Variants in GALNT13 observed in about 807,000 individuals in gnomAD.
GALNT13 encodes the protein polypeptide N-acetylgalactosaminyltransferase 13, also known as UDP-GalNAc:polypeptide N-acetylgalactosaminyltransferase 13.
GALNT13 carries 28 observed loss-of-function variants against 64.2 expected under a neutral mutation model. The observed-to-expected ratio is 0.44, with a 90% CI of 0.32 to 0.60. GALNT13 has a LOEUF of 0.60. Ranked by LOEUF, GALNT13 falls within the 20% of genes least tolerant of loss-of-function variation. The pLI, the probability that GALNT13 is intolerant of heterozygous loss-of-function variation, is 0.05. For synonymous variants in GALNT13, 214 were observed against 224.6 expected (o/e 0.95, Z 0.42); for missense variants, 577 against 669.8 (o/e 0.86, Z 1.53).
intron 2 of GALNT13, among the ~76,000 whole-genome samples, chr2:153,914,037 A>C (rs1689163163): frequency 6.6e-6 from 1 of 152,196 alleles, no homozygotes. Context: ...TGTGTTTTTC[A>C]GTGCATTATT....
the GALNT13 span, among the ~76,000 whole-genome samples, chr2:153,219,486 C>A: frequency 6.6e-6 from 1 of 152,206 alleles, no homozygotes; most frequent in Non-Finnish European, 1.5e-5. Context: ...AGAAGAGCAG[C>A]TGTCTCAAGG....
At chr2:154,218,447 T>A (rs1688159073) in intron 4 of GALNT13, among the ~76,000 whole-genome samples, 1 of 152,116 alleles carries the variant, frequency 6.6e-6, no homozygotes, top group Non-Finnish European at 1.5e-5. Context: ...CTCCTCCAGA[T>A]GTTGTACTAT....
intron 3 of GALNT13, among the ~76,000 whole-genome samples, chr2:154,138,123 A>G (rs1683052649): frequency 6.6e-6 from 1 of 152,084 alleles, no homozygotes; most frequent in South Asian, 2.1e-4. Context: ...TTACAAACCC[A>G]CAATTTACTG....
the GALNT13 span, among the ~76,000 whole-genome samples, chr2:153,772,731 A>T: frequency 6.6e-6 from 1 of 152,150 alleles, no homozygotes; most frequent in Non-Finnish European, 1.5e-5. Flanking sequence ...AAGTCCTTGC[A>T]GTAATGTCTA....
At chr2:153,230,986 G>A in the GALNT13 span, among the ~76,000 whole-genome samples, 1 of 152,132 alleles carries the variant, frequency 6.6e-6, no homozygotes, top group Non-Finnish European at 1.5e-5. Flanking sequence ...TTTGGACATG[G>A]GTGAGATGCT....
intron 3 of GALNT13, among the ~76,000 whole-genome samples, chr2:154,051,701 AT>A (rs1388660553): frequency 3.3e-5 from 5 of 152,236 alleles, no homozygotes; most frequent in Non-Finnish European, 5.9e-5. Context: ...CCGAGTATAA[AT>A]TCCCATTAGT....
the GALNT13 span, among the ~76,000 whole-genome samples, chr2:153,549,607 C>G: frequency 6.6e-6 from 1 of 152,154 alleles, no homozygotes; most frequent in Non-Finnish European, 1.5e-5. Flanking sequence ...ATGGGGGAGT[C>G]TCAGCTTCCC....
At chr2:153,860,974 G>A in the GALNT13 span, among the ~76,000 whole-genome samples, 1 of 152,196 alleles carries the variant, frequency 6.6e-6, no homozygotes, top group African/African-American at 2.4e-5. Flanking sequence ...TTAGGGATTT[G>A]AGGAGGCAGA....
intron 9 of GALNT13, among the ~76,000 whole-genome samples, chr2:154,316,051 G>T (rs1394483329): frequency 2.6e-5 from 4 of 152,034 alleles, no homozygotes; most frequent in Non-Finnish European, 5.9e-5. Context: ...TCGCGCCACT[G>T]CACTCCAGCC....
intron 8 of GALNT13, among the ~76,000 whole-genome samples, chr2:154,298,622 C>A (rs375682278): frequency 0.21 from 4,695 of 22,274 alleles, 1,405 homozygotes; most frequent in Non-Finnish European, 0.26. Context: ...TTTATATATA[C>A]ATTGTATATA....
chr2:153,802,509 T>C, the GALNT13 span, among the ~76,000 whole-genome samples: 6 of 152,214 alleles, frequency 3.9e-5, no homozygotes, highest in Admixed American at 6.5e-5. Context: ...AGAAAAAGAG[T>C]TCTATATAAT....
chr2:153,359,629 G>GAAAAAAAAAAAAAAAAAAAAAAAA, the GALNT13 span, among the ~76,000 whole-genome samples: 1 of 8,926 alleles, frequency 1.1e-4, no homozygotes, highest in Non-Finnish European at 2.1e-4. Flanking sequence ...CCAGCTTTCA[G>GAAAAAAAAAAAAAAAAAAAAAAAA]CAAAAAAAAA....
chr2:154,181,249 C>T (rs886457357), intron 4 of GALNT13, among the ~76,000 whole-genome samples: 12 of 151,934 alleles, frequency 7.9e-5, no homozygotes, highest in African/African-American at 2.9e-4. Flanking sequence ...AGTAACACTT[C>T]GGGGAACAGA....
intron 6 of GALNT13, among the ~76,000 whole-genome samples, chr2:154,244,013 A>G (rs1256711842): frequency 2.0e-5 from 3 of 152,158 alleles, no homozygotes; most frequent in African/African-American, 7.2e-5. Flanking sequence ...CACTCTGTGT[A>G]TTGTACAGTA....
At chr2:153,219,944 C>G in the GALNT13 span, among the ~76,000 whole-genome samples, 2 of 152,120 alleles carry the variant, frequency 1.3e-5, no homozygotes, top group South Asian at 2.1e-4. Context: ...ATGCCTTGAG[C>G]CTGGTCTCTG....
At chr2:153,958,069 T>C (rs769682150) in intron 3 of GALNT13, among the ~76,000 whole-genome samples, 1 of 152,210 alleles carries the variant, frequency 6.6e-6, no homozygotes, top group Non-Finnish European at 1.5e-5. Flanking sequence ...GGTTTGACTT[T>C]AGATGCTGGT....
chr2:154,022,466 T>C (rs1697581924), intron 3 of GALNT13, among the ~76,000 whole-genome samples: 1 of 152,214 alleles, frequency 6.6e-6, no homozygotes, highest in African/African-American at 2.4e-5. Flanking sequence ...TTCTAGATTT[T>C]CTAGTTTATT....
At chr2:154,354,198 T>A (rs1325669596) in intron 9 of GALNT13, among the ~76,000 whole-genome samples, 1 of 152,160 alleles carries the variant, frequency 6.6e-6, no homozygotes, top group Non-Finnish European at 1.5e-5. Flanking sequence ...TTTTTATATC[T>A]TCTTTGGAGA....
chr2:153,155,439 G>T, the GALNT13 span, among the ~76,000 whole-genome samples: 54 of 152,152 alleles, frequency 3.5e-4, no homozygotes, highest in East Asian at 5.0e-3. Context: ...TTTCTTCCTG[G>T]TTCTTCCTTG....
Sources: gnomAD v4.1 joint callset for allele counts (sites outside exome capture counted in the v4.1 genomes callset) on GRCh38, gnomAD v4.1.1 for gene constraint, MANE v1.5 for transcripts, NCBI Gene and HGNC (gene_info 2026-07-23, HGNC 2026-07-21) for gene names.